EPN2: variants seen among roughly 807,000 people sequenced by gnomAD.
EPN2 encodes epsin 2, also known as epsin-2.
In EPN2, 34 loss-of-function variants were observed where a neutral mutation model predicts 61.7. That is an observed-to-expected ratio of 0.55 (90% CI 0.42 to 0.73). EPN2 has a LOEUF of 0.73. EPN2 is among the 30% of genes least tolerant of loss of function. The pLI, the probability that EPN2 is intolerant of heterozygous loss-of-function variation, is 0.00. For synonymous variants in EPN2, 349 were observed against 353.6 expected (o/e 0.99, Z 0.15); for missense variants, 714 against 839.2 (o/e 0.85, Z 1.84).
intron 1 of EPN2, among the ~76,000 whole-genome samples, chr17:19,264,022 T>G (rs1307951319): frequency 1.3e-5 from 2 of 152,186 alleles, no homozygotes; most frequent in Non-Finnish European, 2.9e-5. Context: ...TTTCTGAGTT[T>G]AGGAGCAGCT....
At chr17:19,245,405 T>C (rs1480434512) in intron 1 of EPN2, among the ~76,000 whole-genome samples, 1 of 148,592 alleles carries the variant, frequency 6.7e-6, no homozygotes, top group African/African-American at 2.6e-5. Flanking sequence ...GGGTCAAATA[T>C]GGAATTTGGT....
In EPN2 at chr17:19,283,176, G is replaced by A. The variant is rs768875210; in HGVS notation, c.57G>A (p.Glu19=). Residue 19 remains glutamate (E), a synonymous_variant, in exon 3 of 11, where the codon GAG becomes GAA. Coordinates refer to ENST00000314728, the MANE Select transcript of EPN2 (RefSeq NM_014964.5). This position sits in a 1 kb window ranked among gnomAD's most constrained non-coding sequence, Gnocchi z 7.0. ...QMKNIVNNYS[E]AEIKVREATS... ...AAAACATCGTGAACAATTACTCAGA[G>A]GCAGAAATCAAAGTCCGGGAAGCCA... 6.2e-7 allele frequency: 1 copy of A among 1,614,036 alleles called. No individual in the cohort carries two copies. Among genetic ancestry groups the A allele is most frequent in the Non-Finnish European group, 8.5e-7 (1 of 1,179,986 alleles).
chr17:19,285,797 C>A lies in EPN2; in HGVS notation c.766+7C>A. ...TGTGACCGCGCAGCCCGAGGTGGGA[C>A]GGCGGTTTGCTTTTTTCCTTACTAG... On this transcript the variant is annotated splice_region_variant and intron_variant, in intron 4 of 10. Coordinates refer to ENST00000314728, the MANE Select transcript of EPN2 (RefSeq NM_014964.5). This position sits in a 1 kb window ranked among gnomAD's most constrained non-coding sequence, Gnocchi z 4.5. 6.4e-7 allele frequency: 1 copy of A among 1,571,154 alleles called. No homozygotes were observed.
intron 1 of EPN2, among the ~76,000 whole-genome samples, chr17:19,250,872 T>C (rs953488581): frequency 6.8e-6 from 1 of 146,108 alleles, no homozygotes; most frequent in Non-Finnish European, 1.5e-5. Flanking sequence ...ACTGCCTCTA[T>C]ACCCTTTCCC....
intron 4 of EPN2, among the ~76,000 whole-genome samples, chr17:19,290,776 C>G (rs975464224): frequency 6.7e-6 from 1 of 149,762 alleles, no homozygotes; most frequent in African/African-American, 2.5e-5. Context: ...CTGATTCACT[C>G]AAGTGAATCA....
At chr17:19,310,816 G>T (rs994407473) in intron 5 of EPN2, among the ~76,000 whole-genome samples, 1 of 152,004 alleles carries the variant, frequency 6.6e-6, no homozygotes, top group Non-Finnish European at 1.5e-5. Context: ...GACCTCAAGT[G>T]ATCTGCCCAC....
chr17:19,282,825 G>T, intron 2 of EPN2, 125 bp from the exon 3 acceptor site: 1 of 311,674 alleles, frequency 3.2e-6, no homozygotes, highest in Non-Finnish European at 5.9e-6. Context: ...TCTTGGGTTC[G>T]TCCTAAGGAG....
chr17:19,329,651 T>C lies in EPN2; in HGVS notation c.1411+4T>C. ...CTTCGGACTTCAAAAAAAACAGGTA[T>C]GTACAGGTGATGATGGTTTCCATAA... On this transcript the variant is annotated splice_donor_region_variant and intron_variant, in intron 9 of 10. Transcript: ENST00000314728. The C allele has an allele frequency of 1.9e-6, 3 of 1,562,752 alleles. No individual in the cohort carries two copies. The highest frequency in any genetic ancestry group is 2.6e-6 in the Non-Finnish European group (3 of 1,134,212).
intron 4 of EPN2, among the ~76,000 whole-genome samples, chr17:19,307,341 C>T (rs181103072): frequency 6.6e-6 from 1 of 151,814 alleles, no homozygotes; most frequent in South Asian, 2.1e-4. Context: ...GATGGAGTCT[C>T]GCTCTGTCAC....
chr17:19,272,821 C>T (rs2045268260), intron 1 of EPN2, among the ~76,000 whole-genome samples: 1 of 152,130 alleles, frequency 6.6e-6, no homozygotes, highest in Non-Finnish European at 1.5e-5. Context: ...ATCCTCTACA[C>T]TGAGGGGGAG....
intron 4 of EPN2, among the ~76,000 whole-genome samples, chr17:19,300,137 C>CGTGGTGGGCAGGTCTATG (rs1905409446): frequency 6.6e-6 from 1 of 152,146 alleles, no homozygotes; most frequent in African/African-American, 2.4e-5. Context: ...AAATCTACCC[C>CGTGGTGGGCAGGTCTATG]CAATGTCCGG....
chr17:19,317,653 C>A (rs1384386342), intron 7 of EPN2, among the ~76,000 whole-genome samples: 1 of 152,248 alleles, frequency 6.6e-6, no homozygotes, highest in East Asian at 1.9e-4. Context: ...ACTGCTTGAT[C>A]TTTCAAACCT....
chr17:19,263,169 A>G (rs148886086), intron 1 of EPN2, among the ~76,000 whole-genome samples: 1 of 152,306 alleles, frequency 6.6e-6, no homozygotes, highest in East Asian at 1.9e-4. Context: ...TTCAGCAGAG[A>G]GTGACACACA....
At chr17:19,241,619 C>G (rs938858785) in intron 1 of EPN2, among the ~76,000 whole-genome samples, 2 of 149,962 alleles carry the variant, frequency 1.3e-5, no homozygotes, top group African/African-American at 4.9e-5. Flanking sequence ...GACAAACTTT[C>G]TGATAAGTTC....
chr17:19,308,075 A>G, intron 4 of EPN2: 17 of 967,118 alleles, frequency 1.8e-5, no homozygotes, highest in Non-Finnish European at 2.1e-5. Context: ...CACAATTAGA[A>G]CATTTATTTA....
rs536362904 is a variant in EPN2, at chr17:19,245,578, A to G, written c.-294+8047A>G. On this transcript the variant is annotated intron_variant, in intron 1 of 10. Coordinates refer to ENST00000314728, the MANE Select transcript of EPN2 (RefSeq NM_014964.5). Reference sequence around the variant, plus strand: ...CAGCCTCCCGAGTAGCTGGGACTATAGGCATGTGCCACCACACCCAGCTAA... The same window carrying G: ...CAGCCTCCCGAGTAGCTGGGACTATGGGCATGTGCCACCACACCCAGCTAA... 4.4e-3 allele frequency among the ~76,000 whole-genome samples: 674 copies of G among 151,850 alleles called. 8 individuals are homozygous for G. The highest frequency in any genetic ancestry group is 0.026 in the South Asian group (123 of 4,800).
chr17:19,303,634 C>T (rs990989506), intron 4 of EPN2, among the ~76,000 whole-genome samples: 1 of 152,214 alleles, frequency 6.6e-6, no homozygotes, highest in South Asian at 2.1e-4. Context: ...CTCCCACCAC[C>T]GATAGTGCCA....
At chr17:19,321,787 G>C (rs1206133645) in intron 7 of EPN2, among the ~76,000 whole-genome samples, 1 of 152,160 alleles carries the variant, frequency 6.6e-6, no homozygotes, top group African/African-American at 2.4e-5. Flanking sequence ...TCCACAGGGG[G>C]CCAGAATCAG....
chr17:19,329,809 A>G (rs1950088250), intron 9 of EPN2, among the ~76,000 whole-genome samples, 162 bp downstream of exon 9: 1 of 152,148 alleles, frequency 6.6e-6, no homozygotes, highest in African/African-American at 2.4e-5. Flanking sequence ...TTCATACATC[A>G]ATAGTTAAAA....
Sources: allele counts gnomAD v4.1 joint callset (sites outside exome capture counted in the v4.1 genomes callset), GRCh38; gene constraint gnomAD v4.1.1; non-coding constraint Gnocchi (gnomAD v3.1); transcripts MANE v1.5; gene names NCBI Gene and HGNC (gene_info 2026-07-23, HGNC 2026-07-21).